Variants in DGKK observed in about 807,000 individuals in gnomAD.
DGKK encodes the protein 142 kDa diacylglycerol kinase.
Under a neutral mutation model 92.2 loss-of-function variants are expected in DGKK, and 35 were observed. The ratio of observed to expected loss-of-function variants is 0.38; its 90% confidence interval spans 0.29 to 0.50. DGKK has a LOEUF of 0.50. Among genes scored for constraint, DGKK ranks in the 20% least tolerant of loss-of-function variants. The pLI, the probability that DGKK is intolerant of heterozygous loss-of-function variation, is 0.92. For synonymous variants in DGKK, 368 were observed against 360.6 expected (o/e 1.02, Z -0.23); for missense variants, 910 against 992.2 (o/e 0.92, Z 1.11).
chrX:50,395,536 T>C (rs1924827466), intron 8 of DGKK, among the ~76,000 whole-genome samples: 1 of 111,366 alleles, frequency 9.0e-6, no homozygotes, highest in South Asian at 3.9e-4. Flanking sequence ...GTAGTTCCTC[T>C]CTAAAGGTGA....
chrX:50,407,579 T>A (rs1469957746), intron 4 of DGKK, among the ~76,000 whole-genome samples: 2 of 111,541 alleles, frequency 1.8e-5, no homozygotes, highest in Non-Finnish European at 3.8e-5. Context: ...GTCCCCACCC[T>A]ATGGCCACAT....
chrX:50,440,328 T>C (rs1926138135), intron 1 of DGKK, among the ~76,000 whole-genome samples: 1 of 111,386 alleles, frequency 9.0e-6, no homozygotes, highest in Non-Finnish European at 1.9e-5. Context: ...CCAAATTAGT[T>C]ACATGACATA....
intron 1 of DGKK, among the ~76,000 whole-genome samples, chrX:50,459,906 C>T (rs1310673633): frequency 8.9e-6 from 1 of 112,088 alleles, no homozygotes; most frequent in Non-Finnish European, 1.9e-5. Context: ...CATTTACTGT[C>T]CTCTTTATTG....
chrX:50,404,780 C>A (rs1925107619), intron 4 of DGKK, among the ~76,000 whole-genome samples: 1 of 110,984 alleles, frequency 9.0e-6, no homozygotes, highest in African/African-American at 3.3e-5. Context: ...GTTGTCTTAG[C>A]CTTGGCCTTG....
intron 8 of DGKK, among the ~76,000 whole-genome samples, chrX:50,397,258 G>GGAGCCAACA (rs1924878329): frequency 9.0e-6 from 1 of 111,649 alleles, no homozygotes; most frequent in South Asian, 3.8e-4. Flanking sequence ...CCCTAAACAG[G>GGAGCCAACA]GAGCCAACAG....
At position 50,431,379 on chromosome X, in the gene DGKK, A is replaced by G. The variant is rs782815842; in HGVS notation, c.646-7021T>C. On this transcript the variant is annotated intron_variant, in intron 1 of 27. Transcript: ENST00000611977. ...GAATTATTTACCTTTTCCTAGCAAA[A>G]GGGTCCCCTGTTATAAGCCAAGTTG... is the stretch of plus-strand genomic sequence containing the variant. Among the ~76,000 whole-genome samples, 3 of 111,114 alleles carry G rather than the reference A, an allele frequency of 2.7e-5. No homozygotes were observed. In the East Asian group the frequency reaches 8.5e-4, roughly 32 times the overall value.
chrX:50,379,807 G>T, intron 19 of DGKK, 73 bp from the exon 20 acceptor site: 1 of 962,241 alleles, frequency 1.0e-6, no homozygotes. Context: ...CAGAGATGGG[G>T]AAAGGGCTCT....
rs1557234367 is a variant in DGKK at position 50,470,168 on chromosome X, G to A, written c.511C>T (p.Pro171Ser). Residue 171 changes from proline to serine, a missense_variant, in exon 1 of 28, where the codon CCA (proline) becomes TCA (serine). By Grantham distance (74) the Pro-to-Ser change is moderately conservative. Transcript: ENST00000611977. ...GGTGCTGGACTTGGACGGAACTCTG[G>A]AGCCGCCTCAGGGCAGAACTCTGGG... ...LAPEFCPEAA[P>S]EFRPSPAPCL... 37 of 1,212,176 alleles carry A rather than the reference G, an allele frequency of 3.1e-5. No homozygotes were observed. Among genetic ancestry groups the A allele is most frequent in the Non-Finnish European group, 4.1e-5 (37 of 895,518 alleles).
intron 9 of DGKK, 73 bp from the exon 10 acceptor site, chrX:50,392,522 G>A: frequency 1.2e-6 from 1 of 834,484 alleles, no homozygotes; most frequent in African/African-American, 2.0e-5. Flanking sequence ...CAATGTGTCA[G>A]GACACAAGGA....
intron 1 of DGKK, among the ~76,000 whole-genome samples, chrX:50,466,191 T>A (rs1183838147): frequency 2.7e-5 from 3 of 110,066 alleles, no homozygotes; most frequent in African/African-American, 9.9e-5. Flanking sequence ...CTGTAGTGAC[T>A]GCTTAGGAAC....
intron 8 of DGKK, 37 bp downstream of exon 8, chrX:50,400,999 GC>G (rs1557226556): frequency 8.9e-7 from 1 of 1,125,100 alleles, no homozygotes; most frequent in Admixed American, 2.5e-5. Context: ...TTCCCTACAT[GC>G]CCAATGTGCT....
intron 1 of DGKK, among the ~76,000 whole-genome samples, chrX:50,441,932 G>A (rs1003093193): frequency 1.8e-5 from 2 of 111,331 alleles, no homozygotes; most frequent in Non-Finnish European, 3.8e-5. Flanking sequence ...AATGCTTTCA[G>A]GGTCTCATTG....
chrX:50,372,494 G>C (rs1924163790), intron 25 of DGKK, among the ~76,000 whole-genome samples: 1 of 111,854 alleles, frequency 8.9e-6, no homozygotes, highest in Non-Finnish European at 1.9e-5. Context: ...GAGAGAGCTA[G>C]AGAGAGGCTG....
chrX:50,404,862 TTAAC>T (rs1925109117), intron 4 of DGKK, among the ~76,000 whole-genome samples: 1 of 110,979 alleles, frequency 9.0e-6, no homozygotes, highest in South Asian at 3.9e-4. Context: ...TAATAAGGCT[TTAAC>T]TACCTCCTGG....
chrX:50,441,961 T>A (rs1258962864), intron 1 of DGKK, among the ~76,000 whole-genome samples: 1 of 111,525 alleles, frequency 9.0e-6, no homozygotes, highest in African/African-American at 3.3e-5. Flanking sequence ...CAACAATGGA[T>A]CTTGAGAAAT....
At chrX:50,405,896 C>T (rs1206477441) in intron 4 of DGKK, among the ~76,000 whole-genome samples, 1 of 111,685 alleles carries the variant, frequency 9.0e-6, no homozygotes, top group Non-Finnish European at 1.9e-5. Context: ...GCTCCTAGAA[C>T]CTTTCTACTC....
intron 1 of DGKK, among the ~76,000 whole-genome samples, chrX:50,462,811 A>G (rs1557233492): frequency 2.8e-5 from 3 of 105,411 alleles, no homozygotes; most frequent in Non-Finnish European, 3.9e-5. Context: ...TTTCTTTAAA[A>G]GAAACAGTTT....
At chrX:50,393,378 C>T (rs781958294) in intron 8 of DGKK, 43 bp from the exon 9 acceptor site, 20 of 1,071,005 alleles carry the variant, frequency 1.9e-5, no homozygotes, top group African/African-American at 3.7e-5. Context: ...AGAACGGACC[C>T]GTTGAGATGG....
intron 4 of DGKK, among the ~76,000 whole-genome samples, chrX:50,405,143 G>A (rs1437176534): frequency 2.7e-5 from 3 of 112,150 alleles, no homozygotes; most frequent in Admixed American, 1.9e-4. Flanking sequence ...TGCCTACATG[G>A]AGTGGCATTC....
Sources: gnomAD v4.1 joint callset for allele counts (sites outside exome capture counted in the v4.1 genomes callset) on GRCh38, gnomAD v4.1.1 for gene constraint, MANE v1.5 for transcripts, NCBI Gene and HGNC (gene_info 2026-07-23, HGNC 2026-07-21) for gene names.